FOXP2: variants seen among roughly 807,000 people sequenced by gnomAD.
The protein encoded by FOXP2 is forkhead box P2.
FOXP2 carries 12 observed loss-of-function variants against 115.8 expected under a neutral mutation model. The ratio of observed to expected loss-of-function variants is 0.10; its 90% CI spans 0.07 to 0.17. FOXP2 has a LOEUF of 0.17. Ranked by LOEUF, FOXP2 falls within the 10% of genes least tolerant of loss-of-function variation. The probability of loss-of-function intolerance (pLI) is 1.00; values close to 1 mark genes in which losing one functional copy is unlikely to be tolerated. For synonymous variants in FOXP2, 328 were observed against 297.7 expected, an observed-to-expected ratio of 1.10 and a Z score of -1.05; for missense variants, 629 against 843.5, an observed-to-expected ratio of 0.75 and a Z score of 3.15.
chr7:114,154,154 G>A (rs1323173235), intron 1 of FOXP2, among the ~76,000 whole-genome samples: 1 of 152,004 alleles, frequency 6.6e-6, no homozygotes, highest in African/African-American at 2.4e-5. Context: ...TAATTTATCT[G>A]GTCAAGATTT....
At chr7:114,224,462 A>C (rs1404669808) in intron 1 of FOXP2, among the ~76,000 whole-genome samples, 1 of 152,134 alleles carries the variant, frequency 6.6e-6, no homozygotes, top group African/African-American at 2.4e-5. Flanking sequence ...ACTGTGTACA[A>C]ATTTCTAGAG....
At chr7:114,129,155 C>G (rs1457656813) in intron 1 of FOXP2, among the ~76,000 whole-genome samples, 1 of 152,124 alleles carries the variant, frequency 6.6e-6, no homozygotes, top group South Asian at 2.1e-4. Context: ...CAAGACGATA[C>G]CTTAGGAATA....
chr7:114,113,028 A>T (rs971253092), intron 1 of FOXP2, among the ~76,000 whole-genome samples: 5 of 152,168 alleles, frequency 3.3e-5, no homozygotes, highest in Non-Finnish European at 7.4e-5. Flanking sequence ...CTGATCCTTC[A>T]TCAGAGATTG....
At chr7:114,105,536 A>G (rs1301437329) in intron 1 of FOXP2, among the ~76,000 whole-genome samples, 1 of 152,080 alleles carries the variant, frequency 6.6e-6, no homozygotes, top group African/African-American at 2.4e-5. Context: ...TAACTAGTTC[A>G]TGGACCTCCC....
intron 8 of FOXP2, among the ~76,000 whole-genome samples, chr7:114,647,008 TG>T (rs1366455673): frequency 6.6e-6 from 1 of 151,976 alleles, no homozygotes; most frequent in Non-Finnish European, 1.5e-5. Context: ...CTCATTTTTT[TG>T]TGTATCCATT....
chr7:114,511,087 C>A (rs186556870), intron 2 of FOXP2, among the ~76,000 whole-genome samples: 37 of 152,202 alleles, frequency 2.4e-4, no homozygotes, highest in Non-Finnish European at 2.1e-4. Flanking sequence ...CCATCATTCT[C>A]AGCAAACTAA....
intron 2 of FOXP2, among the ~76,000 whole-genome samples, chr7:114,301,209 A>G (rs1194607949): frequency 2.0e-5 from 3 of 152,068 alleles, no homozygotes; most frequent in African/African-American, 4.8e-5. Flanking sequence ...TGAAAACCAG[A>G]CAAGTGAGAA....
At chr7:114,299,271 C>T (rs1796821901) in intron 2 of FOXP2, among the ~76,000 whole-genome samples, 1 of 152,042 alleles carries the variant, frequency 6.6e-6, no homozygotes, top group Non-Finnish European at 1.5e-5. Flanking sequence ...GATGTATGGA[C>T]ACCCTACTTG....
chr7:114,445,778 A>G (rs1275420214), intron 2 of FOXP2, among the ~76,000 whole-genome samples: 1 of 152,126 alleles, frequency 6.6e-6, no homozygotes, highest in African/African-American at 2.4e-5. Flanking sequence ...ATTCTTCTAC[A>G]TATGTATTGA....
At chr7:114,476,680 A>G (rs1438296498) in intron 2 of FOXP2, among the ~76,000 whole-genome samples, 1 of 151,904 alleles carries the variant, frequency 6.6e-6, no homozygotes, top group Non-Finnish European at 1.5e-5. Flanking sequence ...ATTGATAGGA[A>G]TAGTGTTGAA....
intron 2 of FOXP2, among the ~76,000 whole-genome samples, chr7:114,509,579 C>A (rs1332414493): frequency 6.7e-6 from 1 of 149,272 alleles, no homozygotes; most frequent in Non-Finnish European, 1.5e-5. Context: ...AAAGAGGAAT[C>A]AAGGATGATC....
chr7:114,567,222 C>T (rs1422243940), intron 3 of FOXP2, among the ~76,000 whole-genome samples: 1 of 151,992 alleles, frequency 6.6e-6, no homozygotes, highest in East Asian at 1.9e-4. Context: ...ATAATGACAG[C>T]TAACAAATAA....
intron 3 of FOXP2, among the ~76,000 whole-genome samples, chr7:114,590,133 G>A (rs1783287555): frequency 6.6e-6 from 1 of 152,044 alleles, no homozygotes; most frequent in Non-Finnish European, 1.5e-5. Flanking sequence ...CGAGCCTAGT[G>A]TACTGTGGCT....
intron 2 of FOXP2, among the ~76,000 whole-genome samples, chr7:114,401,207 T>C (rs1454884187): frequency 2.0e-5 from 3 of 152,166 alleles, no homozygotes; most frequent in African/African-American, 7.2e-5. Context: ...TGACTAATGT[T>C]TGGCCTAGCA....
At chr7:114,339,995 A>G (rs1217774965) in intron 2 of FOXP2, among the ~76,000 whole-genome samples, 1 of 151,246 alleles carries the variant, frequency 6.6e-6, no homozygotes, top group Non-Finnish European at 1.5e-5. Context: ...CAATAAAAAT[A>G]TTTAAAAAAG....
At chr7:114,445,663 A>C (rs1794801527) in intron 2 of FOXP2, among the ~76,000 whole-genome samples, 1 of 152,186 alleles carries the variant, frequency 6.6e-6, no homozygotes, top group South Asian at 2.1e-4. Flanking sequence ...TAAGTATCAA[A>C]ATTAGCCCCA....
chr7:114,310,329 G>A (rs915289471), intron 2 of FOXP2, among the ~76,000 whole-genome samples: 1 of 152,168 alleles, frequency 6.6e-6, no homozygotes, highest in Non-Finnish European at 1.5e-5. Context: ...ACTAGGTCTA[G>A]GCTAGCTGGC....
chr7:114,622,061 T>G (rs1024420917), intron 3 of FOXP2, among the ~76,000 whole-genome samples: 2 of 152,004 alleles, frequency 1.3e-5, no homozygotes, highest in African/African-American at 4.8e-5. Flanking sequence ...CATACATTTG[T>G]GTTTCAGTAG....
chr7:114,163,925 A>G (rs758198440), intron 1 of FOXP2, among the ~76,000 whole-genome samples: 1 of 152,246 alleles, frequency 6.6e-6, no homozygotes, highest in East Asian at 1.9e-4. Context: ...AAAGATCTCA[A>G]TGATACATAT....
Sources: gnomAD v4.1 joint callset for allele counts (sites outside exome capture counted in the v4.1 genomes callset) on GRCh38, gnomAD v4.1.1 for gene constraint, MANE v1.5 for transcripts, NCBI Gene and HGNC (gene_info 2026-07-23, HGNC 2026-07-21) for gene names.